Variants in MICAL2 observed in about 807,000 individuals in gnomAD.
MICAL2 encodes the protein microtubule associated monooxygenase, calponin and LIM domain containing 2, also known as [F-actin]-monooxygenase MICAL2.
A neutral mutation model predicts 127.3 loss-of-function variants in MICAL2; 77 were observed. The ratio of observed to expected loss-of-function variants is 0.60; its 90% CI spans 0.50 to 0.73. MICAL2 has a LOEUF of 0.73. Ranked by LOEUF, MICAL2 falls within the 30% of genes least tolerant of loss-of-function variation. MICAL2 has a pLI of 0.00. For missense variants in MICAL2, 1,351 were observed against 1,434.4 expected, an observed-to-expected ratio of 0.94 and a Z score of 0.94; for synonymous variants, 570 against 551.1, an observed-to-expected ratio of 1.03 and a Z score of -0.48.
chr11:12,299,660 C>T (rs538666360), intron 29 of MICAL2, among the ~76,000 whole-genome samples: 1 of 152,226 alleles, frequency 6.6e-6, no homozygotes, highest in South Asian at 2.1e-4. Flanking sequence ...TAATTTTTTG[C>T]ATAAACGTTT....
intron 1 of MICAL2, among the ~76,000 whole-genome samples, chr11:12,129,620 G>C (rs11022189): frequency 0.24 from 28,876 of 119,156 alleles, 3,219 homozygotes; most frequent in South Asian, 0.37. Context: ...ATTCTACTCT[G>C]TTTCTTCTTC....
At chr11:12,289,558 TTTTTTTTG>T, downstream of MICAL2, among the ~76,000 whole-genome samples, 2 of 23,968 alleles carry the variant, frequency 8.3e-5, no homozygotes, top group Non-Finnish European at 2.0e-4. Context: ...CACCTCTTGT[TTTTTTTTG>T]TTTTTTTTTT....
At chr11:12,208,554 T>C (rs1455664476) in intron 5 of MICAL2, among the ~76,000 whole-genome samples, 1 of 152,246 alleles carries the variant, frequency 6.6e-6, no homozygotes, top group Non-Finnish European at 1.5e-5. Flanking sequence ...GTGAAGCTTC[T>C]AGAGCAACTG....
chr11:12,140,177 G>T (rs1368623669), intron 2 of MICAL2, among the ~76,000 whole-genome samples: 1 of 152,232 alleles, frequency 6.6e-6, no homozygotes, highest in Non-Finnish European at 1.5e-5. Flanking sequence ...CTTCTCTAGG[G>T]CAGGGGAAGT....
Position 12,233,580 on chromosome 11 carries a change from A to T in MICAL2, c.1996-2597A>T, listed in dbSNP as rs543402925. On this transcript the variant is annotated intron_variant, in intron 15 of 27. Coordinates refer to ENST00000683283, the MANE Select transcript of MICAL2 (RefSeq NM_001282663.2). ...TGATCAAATAAATGTTCAGATTGGC[A>T]GATATCTACGTCTTTGATTTTTTTT... 8.6e-4 allele frequency among the ~76,000 whole-genome samples: 131 copies of T among 152,366 alleles called. 1 individual carries two copies. The highest frequency in any genetic ancestry group is 1.6e-3 in the Non-Finnish European group (110 of 68,036).
intron 7 of MICAL2, among the ~76,000 whole-genome samples, chr11:12,216,009 C>T (rs574766969): frequency 5.3e-5 from 8 of 152,168 alleles, no homozygotes; most frequent in African/African-American, 1.2e-4. Flanking sequence ...GGAATAATGC[C>T]GCTATAGAAC....
chr11:12,169,659 C>T lies in MICAL2; in HGVS notation c.264+7240C>T, dbSNP rs958012894. ...TCGGCCTCCCAAAGTGCTGGAATTACAGGCATGAGCCACCACACCGTCTAT... is the reference window on the plus strand; with the variant it reads ...TCGGCCTCCCAAAGTGCTGGAATTATAGGCATGAGCCACCACACCGTCTAT... On this transcript the variant is annotated intron_variant, in intron 3 of 27. Coordinates refer to ENST00000683283, the MANE Select transcript of MICAL2 (RefSeq NM_001282663.2). 5.9e-5 allele frequency among the ~76,000 whole-genome samples: 9 copies of T among 152,336 alleles called. 1 individual carries two copies. Among genetic ancestry groups the T allele is most frequent in the African/African-American group, 1.4e-4 (6 of 41,580 alleles).
intron 1 of MICAL2, among the ~76,000 whole-genome samples, chr11:12,278,607 A>C (rs1863743016): frequency 6.6e-6 from 1 of 152,246 alleles, no homozygotes; most frequent in African/African-American, 2.4e-5. Flanking sequence ...TTCACAGATC[A>C]GCAGGCCTCG....
At chr11:12,119,794 A>G (rs184464321) in intron 1 of MICAL2, among the ~76,000 whole-genome samples, 137 of 152,242 alleles carry the variant, frequency 9.0e-4, no homozygotes, top group African/African-American at 3.2e-3. Context: ...TTGGGATGTC[A>G]GGTTGGATGG....
At chr11:12,331,513 C>T (rs930645964) in intron 32 of MICAL2, among the ~76,000 whole-genome samples, 3 of 152,114 alleles carry the variant, frequency 2.0e-5, no homozygotes, top group African/African-American at 7.2e-5. Context: ...GAAATGCTAG[C>T]GAAAGCCTCT....
intron 6 of MICAL2, 39 bp from the exon 7 acceptor site, chr11:12,213,216 C>G (rs774487841): frequency 3.2e-6 from 5 of 1,568,622 alleles, no homozygotes; most frequent in African/African-American, 2.7e-5. Context: ...CACACCAAAT[C>G]CAGAAGATAG....
chr11:12,293,755 G>T (rs747827963), downstream of MICAL2: 1 of 1,613,970 alleles, frequency 6.2e-7, no homozygotes, highest in Non-Finnish European at 8.5e-7. Context: ...ACCCTGCAGA[G>T]ATGACTTCTG....
At chr11:12,163,404 C>T (rs1238792267) in intron 3 of MICAL2, among the ~76,000 whole-genome samples, 2 of 152,174 alleles carry the variant, frequency 1.3e-5, no homozygotes, top group Admixed American at 6.5e-5. Flanking sequence ...GTGCCAATCC[C>T]GGGACAAGAG....
chr11:12,176,245 A>G (rs538836259), intron 3 of MICAL2, among the ~76,000 whole-genome samples: 1 of 152,310 alleles, frequency 6.6e-6, no homozygotes, highest in South Asian at 2.1e-4. Flanking sequence ...TTTTGGAAGA[A>G]AAAACCTTCC....
Position 12,314,902 on chromosome 11 carries a change from T to C in MICAL2, c.5213-4794T>C, listed in dbSNP as rs76713166. ...TTATAATTATGGTTTGAAACAGTCC[T>C]GAATGTGCATGGATTCATGCACATT... is the stretch of plus-strand genomic sequence containing the variant. On this transcript the variant is annotated intron_variant, in intron 29 of 34. Transcript: ENST00000646065. Among the ~76,000 whole-genome samples the C allele has an allele frequency of 4.9e-3, 750 of 152,282 alleles. 7 individuals are homozygous for C. The highest frequency in any genetic ancestry group is 0.017 in the African/African-American group (698 of 41,548).
At chr11:12,294,169 C>T (rs1493951), downstream of MICAL2, 1,494,355 of 1,613,944 alleles carry the variant, frequency 0.93, 692,092 homozygotes, top group East Asian at 0.95. Context: ...AGAGAGGGGC[C>T]CAGGAGAAGA....
chr11:12,343,570 C>T (rs752494171), intron 32 of MICAL2, among the ~76,000 whole-genome samples: 3 of 152,064 alleles, frequency 2.0e-5, no homozygotes, highest in Non-Finnish European at 4.4e-5. Flanking sequence ...TTTTAGGACA[C>T]ATAAGACTGA....
chr11:12,260,393 C>T (rs1862943034), intron 26 of MICAL2: 11 of 1,262,174 alleles, frequency 8.7e-6, no homozygotes, highest in Non-Finnish European at 9.9e-6. Flanking sequence ...TTTTCTATAG[C>T]TTTGTGAGCC....
chr11:12,325,904 C>T (rs1029862690), intron 31 of MICAL2, among the ~76,000 whole-genome samples: 3 of 152,226 alleles, frequency 2.0e-5, no homozygotes, highest in African/African-American at 2.4e-5. Context: ...AGCAATTCTA[C>T]AGCATGCCAG....
Sources: gnomAD v4.1 joint callset for allele counts (sites outside exome capture counted in the v4.1 genomes callset) on GRCh38, gnomAD v4.1.1 for gene constraint, MANE v1.5 for transcripts, NCBI Gene and HGNC (gene_info 2026-07-23, HGNC 2026-07-21) for gene names.